MAGI2: variants seen among roughly 807,000 people sequenced by gnomAD.
MAGI2 encodes membrane associated guanylate kinase, WW and PDZ domain containing 2, also known as membrane-associated guanylate kinase, WW and PDZ domain-containing protein 2.
MAGI2 carries 35 observed loss-of-function variants against 133.3 expected under a neutral mutation model. That is an observed-to-expected ratio of 0.26 (90% CI 0.20 to 0.35). The LOEUF (loss-of-function observed/expected upper bound fraction) is 0.35, where lower values mean the gene tolerates loss of function less well. Ranked by LOEUF, MAGI2 falls within the 10% of genes least tolerant of loss-of-function variation. The pLI, the probability that MAGI2 is intolerant of heterozygous loss-of-function variation, is 1.00. For missense variants in MAGI2, 1,636 were observed against 1,863.4 expected (o/e 0.88, Z 2.25); for synonymous variants, 729 against 710.6 (o/e 1.03, Z -0.41).
intron 1 of MAGI2, among the ~76,000 whole-genome samples, chr7:79,136,357 C>G (rs1821574859): frequency 6.6e-6 from 1 of 152,170 alleles, no homozygotes; most frequent in African/African-American, 2.4e-5. Flanking sequence ...TTTCCAATAG[C>G]CTCATTTGCC....
chr7:78,797,784 T>C (rs1476056377), intron 2 of MAGI2, among the ~76,000 whole-genome samples: 2 of 152,098 alleles, frequency 1.3e-5, no homozygotes, highest in Non-Finnish European at 2.9e-5. Flanking sequence ...ATATTCACGC[T>C]AGGGGTAAGG....
intron 18 of MAGI2, among the ~76,000 whole-genome samples, chr7:78,131,452 A>G (rs1045911964): frequency 6.6e-6 from 1 of 152,248 alleles, no homozygotes; most frequent in Non-Finnish European, 1.5e-5. Context: ...TGATGAACCC[A>G]GAGAGTTCTG....
At chr7:78,472,960 A>C (rs1197234495) in intron 6 of MAGI2, among the ~76,000 whole-genome samples, 2 of 152,108 alleles carry the variant, frequency 1.3e-5, no homozygotes, top group African/African-American at 2.4e-5. Flanking sequence ...AGGAACCACA[A>C]GGGAAGGATT....
At chr7:78,136,200 C>T (rs1053699484) in intron 16 of MAGI2, among the ~76,000 whole-genome samples, 3 of 151,416 alleles carry the variant, frequency 2.0e-5, no homozygotes, top group African/African-American at 7.3e-5. Flanking sequence ...ACTGCAAGCT[C>T]TGCCTGCCTC....
chr7:79,147,805 A>C (rs1274678209), intron 1 of MAGI2, among the ~76,000 whole-genome samples: 1 of 152,150 alleles, frequency 6.6e-6, no homozygotes, highest in Admixed American at 6.5e-5. Context: ...TGAGGGTGGC[A>C]GCAGCTCTGG....
chr7:78,362,576 A>G (rs556823816), intron 7 of MAGI2, among the ~76,000 whole-genome samples: 2 of 152,304 alleles, frequency 1.3e-5, no homozygotes, highest in South Asian at 4.1e-4. Flanking sequence ...TATCCAGGCT[A>G]GGAGAAATGA....
intron 2 of MAGI2, among the ~76,000 whole-genome samples, chr7:78,846,265 A>G (rs1034925755): frequency 1.3e-5 from 2 of 152,082 alleles, no homozygotes; most frequent in African/African-American, 4.8e-5. Flanking sequence ...ATAAGCTGGA[A>G]ACAAATATGC....
At chr7:79,387,509 A>T (rs900140259) in intron 1 of MAGI2, among the ~76,000 whole-genome samples, 4 of 152,082 alleles carry the variant, frequency 2.6e-5, no homozygotes, top group East Asian at 1.9e-4. Context: ...ATTTTATTTT[A>T]AAAAATGAGG....
At chr7:78,577,204 C>A (rs746915566) in intron 3 of MAGI2, among the ~76,000 whole-genome samples, 12 of 152,146 alleles carry the variant, frequency 7.9e-5, no homozygotes, top group African/African-American at 2.4e-4. Flanking sequence ...ATAGGTGCTA[C>A]TAATTTTATG....
At chr7:78,243,481 T>C (rs1313714070) in intron 10 of MAGI2, among the ~76,000 whole-genome samples, 1 of 152,196 alleles carries the variant, frequency 6.6e-6, no homozygotes, top group African/African-American at 2.4e-5. Context: ...TTAAAAATCG[T>C]GGTACAGTAG....
chr7:79,372,972 G>T (rs925243048), intron 1 of MAGI2, among the ~76,000 whole-genome samples: 2 of 152,042 alleles, frequency 1.3e-5, no homozygotes, highest in African/African-American at 4.8e-5. Flanking sequence ...TGAAGAGTTT[G>T]AAGAGATTGA....
At chr7:79,286,418 C>A (rs193128178) in intron 1 of MAGI2, among the ~76,000 whole-genome samples, 1 of 152,116 alleles carries the variant, frequency 6.6e-6, no homozygotes, top group African/African-American at 2.4e-5. Context: ...GCAAAGCCAG[C>A]AGTTTAACTC....
intron 1 of MAGI2, among the ~76,000 whole-genome samples, chr7:79,440,864 C>A (rs764869969): frequency 3.3e-5 from 5 of 152,180 alleles, no homozygotes; most frequent in Non-Finnish European, 5.9e-5. Context: ...CCTCATTCTG[C>A]TCTGCCATCC....
chr7:78,876,890 T>G (rs527560997), intron 2 of MAGI2, among the ~76,000 whole-genome samples: 72 of 130,988 alleles, frequency 5.5e-4, no homozygotes, highest in African/African-American at 1.8e-3. Flanking sequence ...TCTTCCTCAT[T>G]TATTTATTTA....
chr7:79,323,079 C>A (rs1365455890), intron 1 of MAGI2, among the ~76,000 whole-genome samples: 2 of 152,016 alleles, frequency 1.3e-5, no homozygotes, highest in African/African-American at 4.8e-5. Flanking sequence ...CTCAAGCAAT[C>A]CTCCCACCTC....
chr7:79,289,148 C>T (rs1365677570), intron 1 of MAGI2, among the ~76,000 whole-genome samples: 2 of 152,166 alleles, frequency 1.3e-5, no homozygotes, highest in South Asian at 2.1e-4. Flanking sequence ...GGAACATCCA[C>T]CTGCACATCC....
chr7:78,780,390 G>A (rs182436028), intron 2 of MAGI2, among the ~76,000 whole-genome samples: 8 of 152,290 alleles, frequency 5.3e-5, no homozygotes, highest in African/African-American at 1.9e-4. Context: ...GCCACTTTCT[G>A]TAAATATATT....
chr7:78,304,489 G>A (rs1485528392), intron 9 of MAGI2, among the ~76,000 whole-genome samples: 1 of 152,154 alleles, frequency 6.6e-6, no homozygotes, highest in East Asian at 1.9e-4. Flanking sequence ...AGCAACACAT[G>A]ATTTGCTTAA....
chr7:79,175,558 A>C (rs1432009169), intron 1 of MAGI2, among the ~76,000 whole-genome samples: 1 of 151,976 alleles, frequency 6.6e-6, no homozygotes, highest in East Asian at 1.9e-4. Context: ...GTCATGTGTC[A>C]TTTAATGACA....
Sources: allele counts gnomAD v4.1 joint callset (sites outside exome capture counted in the v4.1 genomes callset), GRCh38; gene constraint gnomAD v4.1.1; transcripts MANE v1.5; gene names NCBI Gene and HGNC (gene_info 2026-07-23, HGNC 2026-07-21).